The following MYO7B variants were observed in gnomAD, a reference collection of about 807,000 sequenced individuals.
MYO7B encodes the protein myosin VIIB.
A neutral mutation model predicts 259.7 loss-of-function variants in MYO7B; 212 were observed. The observed-to-expected ratio is 0.82, with a 90% CI of 0.73 to 0.91. The LOEUF is 0.91. Among genes scored for constraint, MYO7B ranks in the 40% least tolerant of loss-of-function variants. The pLI is 0.00. For synonymous variants in MYO7B, 1,197 were observed against 1,166.4 expected (o/e 1.03, Z -0.54); for missense variants, 2,732 against 2,813.5 (o/e 0.97, Z 0.66).
chr2:127,551,293 G>A (rs1328277662), intron 1 of MYO7B, among the ~76,000 whole-genome samples: 1 of 152,150 alleles, frequency 6.6e-6, no homozygotes, highest in Admixed American at 6.5e-5. Flanking sequence ...TAAAATTGTC[G>A]TCACAATGTT....
At chr2:127,589,954 G>A (rs1203860769) in intron 15 of MYO7B, 138 bp from the exon 16 acceptor site, 7 of 919,408 alleles carry the variant, frequency 7.6e-6, no homozygotes, top group Non-Finnish European at 1.1e-5. Context: ...ATGGATGGGT[G>A]GGTGGGTGGA....
At chr2:127,582,521 G>A (rs1391039050) in intron 12 of MYO7B, 75 bp downstream of exon 12, 2 of 1,537,478 alleles carry the variant, frequency 1.3e-6, no homozygotes, top group Non-Finnish European at 1.8e-6. Flanking sequence ...AAGGGGGCAA[G>A]TTGGAGGGGA....
intron 1 of MYO7B, among the ~76,000 whole-genome samples, chr2:127,543,822 G>T (rs546386750): frequency 2.7e-5 from 4 of 150,888 alleles, no homozygotes; most frequent in African/African-American, 9.7e-5. Flanking sequence ...TTGCCTCACC[G>T]CAAGCTCCCC....
At chr2:127,568,958 A>G (rs1379028390) in intron 5 of MYO7B, among the ~76,000 whole-genome samples, 4 of 152,058 alleles carry the variant, frequency 2.6e-5, no homozygotes, top group Non-Finnish European at 5.9e-5. Flanking sequence ...CTGTAATCCC[A>G]GCACTTTGGG....
rs1679614664 is a variant in MYO7B at position 127,592,831 on chromosome 2, A to G, written c.2030A>G (p.Tyr677Cys). ...DRELCLRQLR[Y>C]SGMMETVHIR... Reference sequence around the variant, plus strand: ...GAGCTGTGCCTGCGGCAGCTGCGATACTCGGGCATGATGGAGACCGTGCAC... The same window carrying G: ...GAGCTGTGCCTGCGGCAGCTGCGATGCTCGGGCATGATGGAGACCGTGCAC... Residue 677 changes from tyrosine to cysteine, a missense_variant, in exon 17 of 48, where the codon TAC (tyrosine) becomes TGC (cysteine). Around this residue, in one of 3 missense-constraint regions of MYO7B, gnomAD observed 1,906 missense variants for 2,026.4 expected, o/e 0.94. Transcript: ENST00000409816. The G allele has an allele frequency of 6.2e-7, 1 of 1,609,964 alleles. No homozygotes were observed. The highest frequency in any genetic ancestry group is 1.7e-5 in the Admixed American group (1 of 59,786).
chr2:127,637,557 G>A lies in MYO7B; in HGVS notation c.*140G>A, dbSNP rs576232057. 2.6e-4 allele frequency: 170 copies of A among 645,224 alleles called. No individual in the cohort carries two copies. The highest frequency in any genetic ancestry group is 1.1e-3 in the South Asian group (47 of 41,286). The allele number at this position is 645,224 out of a possible 1,614,324, so 40.0% of individuals were successfully genotyped here. A position where few individuals can be genotyped will look rare whatever the true frequency, so the allele number is the denominator to read the frequency against. ...CCCCATACAAAGCCCACTCAGCCCC[G>A]CAGGCGGCCCCCTCTGTCCTGGGCG... is the stretch of plus-strand genomic sequence containing the variant. On this transcript the variant is annotated 3_prime_UTR_variant, in exon 48 of 48. Coordinates refer to ENST00000409816, the MANE Select transcript of MYO7B (RefSeq NM_001393586.1).
At position 127,580,307 on chromosome 2, in the gene MYO7B, G is replaced by A. The variant is rs374873795; in HGVS notation, c.1004-439G>A. On this transcript the variant is annotated intron_variant, in intron 9 of 47. Transcript: ENST00000409816. ...GACGGTTGCAATAGAGCCAGGCCTG[G>A]CTTACAGCTGGAGCTCCATTAGTGC... 3.3e-5 allele frequency among the ~76,000 whole-genome samples: 5 copies of A among 152,182 alleles called. No homozygotes were observed. In the South Asian group the frequency reaches 1.0e-3, roughly 31 times the overall value.
intron 21 of MYO7B, 131 bp from the exon 22 acceptor site, chr2:127,608,577 T>G (rs1680249255): frequency 1.8e-5 from 18 of 1,010,526 alleles, no homozygotes; most frequent in Non-Finnish European, 2.6e-5. Context: ...AGCAGAATAT[T>G]GATTTGGACA....
At chr2:127,544,007 G>A (rs368585978) in intron 1 of MYO7B, among the ~76,000 whole-genome samples, 3 of 152,112 alleles carry the variant, frequency 2.0e-5, no homozygotes, top group South Asian at 2.1e-4. Context: ...TCCTGACCTC[G>A]TGATCTGCCT....
chr2:127,547,749 G>T (rs1693291628), intron 1 of MYO7B, among the ~76,000 whole-genome samples: 1 of 152,150 alleles, frequency 6.6e-6, no homozygotes, highest in African/African-American at 2.4e-5. Context: ...GGAGACTAAG[G>T]GGTGGCAGGA....
chr2:127,625,901 C>T, intron 31 of MYO7B: 1 of 222,744 alleles, frequency 4.5e-6, no homozygotes, highest in Non-Finnish European at 8.8e-6. Flanking sequence ...GCCTCTGGGC[C>T]TCAGCATCCC....
chr2:127,629,682 GT>G lies in MYO7B; in HGVS notation c.4664del (p.Leu1555TrpfsTer48). 1 of 1,612,450 alleles carries G rather than the reference GT, an allele frequency of 6.2e-7. No homozygotes were observed. The highest frequency in any genetic ancestry group is 1.1e-5 in the South Asian group (1 of 90,996). ...TLLAFKKGDLLVLTKKQGLLA... is the reference protein window; with the variant it reads ...TLLAFKKGDLXVLTKKQGLLA... ...TCCTGGCCTTCAAGAAGGGGGACCT[GT>G]TGGTCCTCACAAAGAAGCAGGGGCT... On this transcript the variant is annotated frameshift_variant, in exon 35 of 48. Coordinates refer to ENST00000409816, the MANE Select transcript of MYO7B (RefSeq NM_001393586.1). LOFTEE classifies it high-confidence loss of function.
At position 127,596,747 on chromosome 2, in the gene MYO7B, T is replaced by C. The variant is rs150522689; in HGVS notation, c.2339+191T>C. 1.8e-4 allele frequency among the ~76,000 whole-genome samples: 28 copies of C among 152,356 alleles called. No individual in the cohort carries two copies. In the East Asian group the frequency reaches 5.0e-3, roughly 27 times the overall value. On this transcript the variant is annotated intron_variant, in intron 19 of 47. Transcript: ENST00000409816. Reference sequence around the variant, plus strand: ...AGAGAATTCAGATACATTATTGGAATGTTTGGAAAAAACAAAAAAACACTC... The same window carrying C: ...AGAGAATTCAGATACATTATTGGAACGTTTGGAAAAAACAAAAAAACACTC...
chr2:127,617,970 G>A (rs915934182), intron 26 of MYO7B, among the ~76,000 whole-genome samples: 1 of 150,472 alleles, frequency 6.6e-6, no homozygotes, highest in Admixed American at 6.6e-5. Context: ...GCTAGTCCTT[G>A]CTAGTCTTTG....
Position 127,631,287 on chromosome 2 carries a change from G to C in MYO7B, c.5019G>C (p.Glu1673Asp), listed in dbSNP as rs13025959. The change falls in exon 37 of 48, where the codon GAG (glutamate) becomes GAC (aspartate). Residue 1673 changes from glutamate to aspartate, a missense_variant. By Grantham distance (45) the Glu-to-Asp change is conservative (BLOSUM62 2). Around this residue, in one of 3 missense-constraint regions of MYO7B, gnomAD observed 821 missense variants for 769.3 expected, o/e 1.07. Coordinates refer to ENST00000409816, the MANE Select transcript of MYO7B (RefSeq NM_001393586.1). Reference protein sequence around the residue: ...ARGHLWAYSCEPLRQPLLKRV... With the variant: ...ARGHLWAYSCDPLRQPLLKRV... ...GCCACCTGTGGGCCTATTCCTGCGA[G>C]CCGCTGCGACAGCCGCTGCTCAAGC... 0.19 allele frequency: 310,319 copies of C among 1,611,760 alleles called. 31,852 individuals carry two copies. Among genetic ancestry groups the C allele is most frequent in the South Asian group, 0.31 (28,624 of 91,006 alleles).
Position 127,609,970 on chromosome 2 carries a change from G to T in MYO7B, c.3146G>T (p.Gly1049Val). The T allele has an allele frequency of 6.2e-7, 1 of 1,608,048 alleles. No homozygotes were observed. The highest frequency in any genetic ancestry group is 1.7e-5 in the Admixed American group (1 of 59,108). Residue 1049 changes from glycine to valine, a missense_variant, in exon 24 of 48, where the codon GGC becomes GTC. Physicochemically the swap from Gly to Val is moderately radical, Grantham distance 109. Coordinates refer to ENST00000409816, the MANE Select transcript of MYO7B (RefSeq NM_001393586.1). The surrounding 1 kb of genome is among the most constrained non-coding windows in gnomAD (Gnocchi z 6.9). ...SVMRQIHDTL[G>V]REHGAQVPQH... The stretch of plus-strand genomic sequence containing the variant: ...ATGCGGCAGATCCATGACACGCTGG[G>T]CAGGGAGCACGGTGCCCAGGTTCCA...
chr2:127,632,534 C>G, intron 39 of MYO7B, 133 bp downstream of exon 39: 1 of 1,203,128 alleles, frequency 8.3e-7, no homozygotes, highest in Non-Finnish European at 1.1e-6. Flanking sequence ...GCTTGGCAGG[C>G]AGGATTGGGC....
Position 127,627,094 on chromosome 2 carries a change from T to C in MYO7B, c.4333+2T>C. 6.2e-7 allele frequency: 1 copy of C among 1,609,694 alleles called. No individual in the cohort carries two copies. The highest frequency in any genetic ancestry group is 8.5e-7 in the Non-Finnish European group (1 of 1,178,384). ...TCTTCGAAGTCATCACACTCTCAGGTAATGGCATCTGACAGGGGGCAGGGA... is the reference window on the plus strand; with the variant it reads ...TCTTCGAAGTCATCACACTCTCAGGCAATGGCATCTGACAGGGGGCAGGGA... On this transcript the variant is annotated splice_donor_variant, in intron 32 of 47. Coordinates refer to ENST00000409816, the MANE Select transcript of MYO7B (RefSeq NM_001393586.1). LOFTEE classifies it high-confidence loss of function. This position sits in a 1 kb window ranked among gnomAD's most constrained non-coding sequence, Gnocchi z 5.6.
intron 1 of MYO7B, among the ~76,000 whole-genome samples, chr2:127,549,383 C>T (rs1008745135): frequency 4.6e-5 from 7 of 152,032 alleles, no homozygotes; most frequent in Admixed American, 2.0e-4. Context: ...GGATACATTG[C>T]GTGATGCTGA....
Sources: gnomAD v4.1 joint callset for allele counts (sites outside exome capture counted in the v4.1 genomes callset) on GRCh38, gnomAD v4.1.1 for gene constraint, gnomAD v4.1.1 regional missense constraint, Gnocchi (gnomAD v3.1) non-coding constraint, MANE v1.5 for transcripts, NCBI Gene and HGNC (gene_info 2026-07-23, HGNC 2026-07-21) for gene names.